TCP11L1: variants seen among roughly 807,000 people sequenced by gnomAD.
TCP11L1 encodes the protein t-complex 11 like 1.
TCP11L1 carries 28 observed loss-of-function variants against 48.9 expected under a neutral mutation model. The observed-to-expected ratio is 0.57, with a 90% CI of 0.42 to 0.78. The LOEUF is 0.78. TCP11L1 is among the 30% of genes least tolerant of loss of function. TCP11L1 has a pLI of 0.00. For synonymous variants in TCP11L1, 204 were observed against 231.9 expected (o/e 0.88, Z 1.09); for missense variants, 505 against 613.4 (o/e 0.82, Z 1.87).
intron 9 of TCP11L1, among the ~76,000 whole-genome samples, chr11:33,070,090 G>T (rs1230038046): frequency 2.6e-5 from 4 of 151,756 alleles, no homozygotes; most frequent in Non-Finnish European, 5.9e-5. Context: ...TATCTGGGCA[G>T]CATAGTGAGA....
At chr11:33,046,575 G>A (rs1204345623) in intron 2 of TCP11L1, among the ~76,000 whole-genome samples, 3 of 152,194 alleles carry the variant, frequency 2.0e-5, no homozygotes, top group African/African-American at 7.2e-5. Context: ...TCTCTTAGTA[G>A]TCTGTACCAA....
chr11:33,070,732 A>T (rs543699022), intron 9 of TCP11L1, among the ~76,000 whole-genome samples: 2 of 148,074 alleles, frequency 1.4e-5, no homozygotes, highest in African/African-American at 5.0e-5. Context: ...GCCAGGTGTG[A>T]TGACTCATGC....
Position 33,057,910 on chromosome 11 carries a change from C to T in TCP11L1, c.418-9C>T, listed in dbSNP as rs769046568. On this transcript the variant is annotated splice_polypyrimidine_tract_variant and intron_variant, in intron 4 of 9. Coordinates refer to ENST00000334274, the MANE Select transcript of TCP11L1 (RefSeq NM_018393.4). Reference sequence around the variant, plus strand: ...AATTTTGATTAAACGTAGCTGTGTTCTCTTGTAGACTCTCTTATCTTTCTT... The same window carrying T: ...AATTTTGATTAAACGTAGCTGTGTTTTCTTGTAGACTCTCTTATCTTTCTT... The T allele has an allele frequency of 9.4e-6, 15 of 1,600,276 alleles. No homozygotes were observed. The East Asian group carries it at 3.4e-4, about 36-fold the overall frequency.
intron 7 of TCP11L1, among the ~76,000 whole-genome samples, chr11:33,065,424 C>T (rs757934989): frequency 3.9e-5 from 6 of 152,146 alleles, no homozygotes; most frequent in Admixed American, 2.0e-4. Flanking sequence ...CCACCACACC[C>T]GGCTAGTTTT....
At chr11:33,060,350 TG>T (rs1236691417) in intron 6 of TCP11L1, among the ~76,000 whole-genome samples, 1 of 152,028 alleles carries the variant, frequency 6.6e-6, no homozygotes, top group East Asian at 1.9e-4. Context: ...TTCCCAAAGC[TG>T]GGGGGTTACG....
rs985660828 is a variant in TCP11L1 at position 33,043,997 on chromosome 11, T to C, written c.163+61T>C. 1.3e-5 allele frequency: 19 copies of C among 1,500,648 alleles called. No homozygotes were observed. In the African/African-American group the frequency reaches 2.1e-4, roughly 17 times the overall value. The allele number at this position is 1,500,648 out of a possible 1,614,324, so 93.0% of individuals were successfully genotyped here. A position where few individuals can be genotyped will look rare whatever the true frequency, so the allele number is the denominator to read the frequency against. ...TCATTGTTTTCAGGTGACGGTTTTA[T>C]GAGGCCTCCTTGTGCATGTGGCCGT... On this transcript the variant is annotated intron_variant, in intron 2 of 9. Coordinates refer to ENST00000334274, the MANE Select transcript of TCP11L1 (RefSeq NM_018393.4).
Position 33,043,740 on chromosome 11 carries a change from T to C in TCP11L1, c.-24-10T>C. 2.5e-6 allele frequency: 4 copies of C among 1,571,416 alleles called. No homozygotes were observed. Among genetic ancestry groups the C allele is most frequent in the Non-Finnish European group, 1.7e-6 (2 of 1,163,702 alleles). ...TTTTAGTTCTTTTTTTTTGTTTTTT[T>C]CTTTCCTAGGAAAGTGAATAAACTT... On this transcript the variant is annotated splice_polypyrimidine_tract_variant and intron_variant, in intron 1 of 9. Coordinates refer to ENST00000334274, the MANE Select transcript of TCP11L1 (RefSeq NM_018393.4).
intron 6 of TCP11L1, among the ~76,000 whole-genome samples, chr11:33,060,966 T>C (rs1854449811): frequency 6.6e-6 from 1 of 152,086 alleles, no homozygotes; most frequent in Admixed American, 6.6e-5. Flanking sequence ...CTATTATTAT[T>C]ATTATTTTAG....
At position 33,057,241 on chromosome 11, in the gene TCP11L1, G is replaced by A. The variant is rs1157958071; in HGVS notation, c.417+6G>A. On this transcript the variant is annotated splice_donor_region_variant and intron_variant, in intron 4 of 9. Transcript: ENST00000334274. ...TTGTAGGAGAAATCAAAGAGGTGAGGCAAAGAGTGAATTGTGATGCTTTTC... is the reference window on the plus strand; with the variant it reads ...TTGTAGGAGAAATCAAAGAGGTGAGACAAAGAGTGAATTGTGATGCTTTTC... The A allele has an allele frequency of 6.2e-7, 1 of 1,614,022 alleles. No individual in the cohort carries two copies. Among genetic ancestry groups the A allele is most frequent in the South Asian group, 1.1e-5 (1 of 91,058 alleles).
At chr11:33,056,811 A>G (rs564928641) in intron 3 of TCP11L1, 1 of 276,870 alleles carries the variant, frequency 3.6e-6, no homozygotes, top group South Asian at 5.1e-5. Flanking sequence ...GGGAACTAAA[A>G]TTAACAGCTT....
At chr11:33,044,211 T>C in intron 2 of TCP11L1, 1 of 283,590 alleles carries the variant, frequency 3.5e-6, no homozygotes, top group Non-Finnish European at 6.5e-6. Context: ...CTCTGAGAAA[T>C]AGGAGGGTGG....
In TCP11L1 at chr11:33,073,243, G is replaced by A. The variant is rs1434223241; in HGVS notation, c.*567G>A. 2 of 151,792 alleles carry A rather than the reference G, an allele frequency of 1.3e-5. No homozygotes were observed. Among genetic ancestry groups the A allele is most frequent in the Non-Finnish European group, 2.9e-5 (2 of 68,200 alleles). 9.4% of individuals were successfully genotyped at this position (151,792 alleles called of 1,614,324 possible). A position where few individuals can be genotyped will look rare whatever the true frequency, so the allele number is the denominator to read the frequency against. Reference sequence around the variant, plus strand: ...CCTTTTTTCTAGAGGAGAGTTATTTGTCTCTCTCTCTTTTTTTTTTTACTT... The same window carrying A: ...CCTTTTTTCTAGAGGAGAGTTATTTATCTCTCTCTCTTTTTTTTTTTACTT... On this transcript the variant is annotated 3_prime_UTR_variant, in exon 10 of 10. Coordinates refer to ENST00000334274, the MANE Select transcript of TCP11L1 (RefSeq NM_018393.4).
chr11:33,061,040 T>C (rs1435257056), intron 6 of TCP11L1, among the ~76,000 whole-genome samples: 1 of 152,180 alleles, frequency 6.6e-6, no homozygotes, highest in Admixed American at 6.5e-5. Flanking sequence ...ACTGCAACTT[T>C]AACCTCCAGG....
intron 2 of TCP11L1, chr11:33,044,243 T>C (rs923028420): frequency 5.2e-5 from 11 of 212,038 alleles, no homozygotes; most frequent in African/African-American, 2.5e-4. Flanking sequence ...CAGCTTGTAT[T>C]GAAAGAGTGT....
At chr11:33,046,825 A>G (rs537135717) in intron 2 of TCP11L1, among the ~76,000 whole-genome samples, 12 of 152,390 alleles carry the variant, frequency 7.9e-5, no homozygotes, top group African/African-American at 2.9e-4. Context: ...TACTGAGTTT[A>G]AAGTAACTCT....
At chr11:33,061,786 AAAGAATAGC>A in intron 7 of TCP11L1, 60 bp downstream of exon 7, 1 of 1,487,418 alleles carries the variant, frequency 6.7e-7, no homozygotes. Context: ...AACTTTTTAA[AAAGAATAGC>A]TTTGGCCAGG....
chr11:33,060,099 T>C (rs1171160366), intron 6 of TCP11L1, among the ~76,000 whole-genome samples: 3 of 152,170 alleles, frequency 2.0e-5, no homozygotes, highest in African/African-American at 4.8e-5. Context: ...GAAGAGTTTT[T>C]TCTTGTTGTT....
At chr11:33,060,441 G>A (rs1199153243) in intron 6 of TCP11L1, among the ~76,000 whole-genome samples, 1 of 152,164 alleles carries the variant, frequency 6.6e-6, no homozygotes, top group African/African-American at 2.4e-5. Context: ...AACTGGAGCT[G>A]CATCCCCCTG....
intron 5 of TCP11L1, among the ~76,000 whole-genome samples, chr11:33,058,657 AT>A (rs1373754686): frequency 6.6e-6 from 1 of 152,120 alleles, no homozygotes; most frequent in Middle Eastern, 3.2e-3. Context: ...ACATAGATAT[AT>A]TTTTTATACA....
Sources: gnomAD v4.1 joint callset for allele counts (sites outside exome capture counted in the v4.1 genomes callset) on GRCh38, gnomAD v4.1.1 for gene constraint, MANE v1.5 for transcripts, NCBI Gene and HGNC (gene_info 2026-07-23, HGNC 2026-07-21) for gene names.